Variants in SCN10A observed in about 807,000 individuals in gnomAD.
SCN10A encodes sodium voltage-gated channel alpha subunit 10, also known as sodium channel protein type 10 subunit alpha.
Under a neutral mutation model 170.7 loss-of-function variants are expected in SCN10A, and 162 were observed. The observed-to-expected ratio is 0.95, with a 90% CI of 0.84 to 1.08. The LOEUF is 1.08. SCN10A is among the 50% of genes least tolerant of loss of function. The probability of loss-of-function intolerance (pLI) is 0.00; values close to 1 mark genes in which losing one functional copy is unlikely to be tolerated. For synonymous variants in SCN10A, 985 were observed against 904.6 expected, an observed-to-expected ratio of 1.09 and a Z score of -1.59; for missense variants, 2,527 against 2,436.9, an observed-to-expected ratio of 1.04 and a Z score of -0.78.
rs752189483 is a variant in SCN10A, at chr3:38,713,965, C to T, written c.3797G>A (p.Gly1266Asp). The change falls in exon 22 of 28, where the codon GGC becomes GAC. Residue 1266 changes from glycine (G) to aspartate (D), a missense_variant. Transcript: ENST00000449082. ...TTTTGAGATCAGACTTACCCGCATG[C>T]CTTCAAATCGAGAAAGAGCCCGCAG... ...RPLRALSRFE[G>D]MRVVVDALVG... 6.2e-7 allele frequency: 1 copy of T among 1,613,516 alleles called. No homozygotes were observed. Among genetic ancestry groups the T allele is most frequent in the Admixed American group, 1.7e-5 (1 of 60,030 alleles).
chr3:38,770,423 G>A (rs1575166066), intron 5 of SCN10A, among the ~76,000 whole-genome samples: 1 of 152,284 alleles, frequency 6.6e-6, no homozygotes, highest in African/African-American at 2.4e-5. Context: ...GGTAGGGATT[G>A]CTGTGGCCAC....
chr3:38,703,082 C>T (rs373253430), intron 26 of SCN10A, among the ~76,000 whole-genome samples: 29 of 152,238 alleles, frequency 1.9e-4, no homozygotes, highest in Admixed American at 2.6e-4. Flanking sequence ...TTAGGCCTGG[C>T]GTTCTCCTTG....
At chr3:38,729,902 T>C (rs1013147868) in intron 15 of SCN10A, among the ~76,000 whole-genome samples, 1 of 152,184 alleles carries the variant, frequency 6.6e-6, no homozygotes, top group Non-Finnish European at 1.5e-5. Flanking sequence ...TGTTATACAG[T>C]AAGTGCTGTA....
At chr3:38,803,866 A>T (rs2064389776) in intron 1 of SCN10A, among the ~76,000 whole-genome samples, 1 of 152,140 alleles carries the variant, frequency 6.6e-6, no homozygotes, top group Non-Finnish European at 1.5e-5. Flanking sequence ...GTCTCTCAGA[A>T]AACTCTGATT....
Position 38,698,620 on chromosome 3 carries a change from G to C in SCN10A, c.4658-58C>G, listed in dbSNP as rs75615812. The C allele has an allele frequency of 1.3e-4, 205 of 1,534,804 alleles. 3 individuals carry two copies. In the East Asian group the frequency reaches 4.4e-3, roughly 33 times the overall value. On this transcript the variant is annotated intron_variant, in intron 27 of 27. Coordinates refer to ENST00000449082, the MANE Select transcript of SCN10A (RefSeq NM_006514.4). ...ATCTCCAGCCATGAGACGTGACAAAGTTGGCTGTGATGACACTCTGCTTTG... is the reference window on the plus strand; with the variant it reads ...ATCTCCAGCCATGAGACGTGACAAACTTGGCTGTGATGACACTCTGCTTTG...
intron 5 of SCN10A, among the ~76,000 whole-genome samples, chr3:38,764,908 A>C (rs1026521816): frequency 1.3e-5 from 2 of 152,170 alleles, no homozygotes; most frequent in East Asian, 3.9e-4. Flanking sequence ...TTCTTGCAGG[A>C]GTAAGGTGGT....
Position 38,701,900 on chromosome 3 carries a change from C to T in SCN10A, c.4596G>A (p.Gln1532=). Residue 1532 remains glutamine (Q), a synonymous_variant, in exon 27 of 28, where the codon CAG becomes CAA. Transcript: ENST00000449082. The part of the protein sequence containing the change: ...ECVMKMFALR[Q]YYFTNGWNVF... ...CATTCCAGCCATTTGTGAAGTAGTA[C>T]TGCCTCAAAGCGAACATCTTCATGA... is the stretch of plus-strand genomic sequence containing the variant. 2 of 1,614,126 alleles carry T rather than the reference C, an allele frequency of 1.2e-6. No homozygotes were observed. Among genetic ancestry groups the T allele is most frequent in the Non-Finnish European group, 1.7e-6 (2 of 1,179,994 alleles).
intron 2 of SCN10A, 85 bp downstream of exon 2, chr3:38,793,656 G>T: frequency 7.0e-7 from 1 of 1,427,314 alleles, no homozygotes. Flanking sequence ...CATCACCCAG[G>T]GCCAAGGAGG....
intron 26 of SCN10A, among the ~76,000 whole-genome samples, chr3:38,707,043 C>G (rs2125985975): frequency 6.6e-6 from 1 of 152,282 alleles, no homozygotes; most frequent in East Asian, 1.9e-4. Flanking sequence ...CAGTGCTTCC[C>G]CCAACAGATT....
At chr3:38,775,819 C>T (rs1400108994) in intron 4 of SCN10A, among the ~76,000 whole-genome samples, 1 of 152,066 alleles carries the variant, frequency 6.6e-6, no homozygotes, top group African/African-American at 2.4e-5. Context: ...TTTCTTGTTT[C>T]TTCTCCAACC....
intron 12 of SCN10A, among the ~76,000 whole-genome samples, chr3:38,750,606 T>C (rs2063737467): frequency 6.6e-6 from 1 of 152,248 alleles, no homozygotes; most frequent in African/African-American, 2.4e-5. Flanking sequence ...TGTTATTTCA[T>C]TTAACCCTCC....
chr3:38,700,735 C>T (rs912343805), intron 27 of SCN10A, among the ~76,000 whole-genome samples: 21 of 152,208 alleles, frequency 1.4e-4, no homozygotes, highest in African/African-American at 3.9e-4. Context: ...TGATGAAATG[C>T]TGTTAAGTTG....
In SCN10A at chr3:38,727,189, G is replaced by A. The variant is rs566667607; in HGVS notation, c.2641-137C>T. 141 of 754,890 alleles carry A rather than the reference G, an allele frequency of 1.9e-4. No homozygotes were observed. The Middle Eastern group carries it at 2.5e-3, about 13-fold the overall frequency. The allele number at this position is 754,890 out of a possible 1,614,324, so 46.8% of individuals were successfully genotyped here. A position where few individuals can be genotyped will look rare whatever the true frequency, so the allele number is the denominator to read the frequency against. ...GCCCACCCGGGATGCTGTCCCTTTT[G>A]GGGGAATGGACTTTCTGAGAGCAGT... On this transcript the variant is annotated intron_variant, in intron 16 of 27. Coordinates refer to ENST00000449082, the MANE Select transcript of SCN10A (RefSeq NM_006514.4).
intron 20 of SCN10A, among the ~76,000 whole-genome samples, chr3:38,721,150 A>G (rs1400098630): frequency 1.3e-5 from 2 of 152,210 alleles, no homozygotes. Context: ...AGCTGAGGCC[A>G]TGCACCGAGC....
chr3:38,697,614 C>T lies in SCN10A; in HGVS notation c.5606G>A (p.Arg1869His), dbSNP rs765477377. The T allele has an allele frequency of 5.0e-5, 81 of 1,614,028 alleles. 1 individual carries two copies. In the Middle Eastern group the frequency reaches 6.6e-4, roughly 13 times the overall value. Residue 1869 changes from arginine to histidine, a missense_variant, in exon 28 of 28, where the codon CGC (arginine) becomes CAC (histidine). Arg to His is a conservative substitution (Grantham distance 29). Transcript: ENST00000449082. ...TGGGGTGTTAGAGAGTGCCATGGAG[C>T]GGTGCAGCACATAGCTCCGATAGGC... Reference protein sequence around the residue: ...QKAYRSYVLHRSMALSNTPCV... With the variant: ...QKAYRSYVLHHSMALSNTPCV...
intron 1 of SCN10A, among the ~76,000 whole-genome samples, chr3:38,814,504 G>A (rs2064460055): frequency 6.6e-6 from 1 of 152,108 alleles, no homozygotes; most frequent in Non-Finnish European, 1.5e-5. Flanking sequence ...TAATTAGTGG[G>A]TTTCTCCTCC....
intron 4 of SCN10A, 32 bp downstream of exon 4, chr3:38,788,924 G>C: frequency 7.6e-7 from 1 of 1,320,508 alleles, no homozygotes; most frequent in Non-Finnish European, 1.1e-6. Flanking sequence ...AGCAAAAAGA[G>C]ATGGTACAAT....
intron 18 of SCN10A, among the ~76,000 whole-genome samples, chr3:38,724,855 CATAGATGAATA>C (rs1264231575): frequency 6.6e-6 from 1 of 152,146 alleles, no homozygotes; most frequent in Non-Finnish European, 1.5e-5. Flanking sequence ...CATTCAGTTT[CATAGATGAATA>C]AATGGCGGCT....
At position 38,802,481 on chromosome 3, in the gene SCN10A, C is replaced by T. The variant is rs535232731; in HGVS notation, c.-32-8439G>A. ...TCCTTAGCCTTCTCCCGTTTTAACA[C>T]ATTGTAACTTCATTATTCTAGTAAC... On this transcript the variant is annotated intron_variant, in intron 1 of 27. Transcript: ENST00000449082. 4.1e-4 allele frequency among the ~76,000 whole-genome samples: 63 copies of T among 152,244 alleles called. 3 individuals are homozygous for T. The South Asian group carries it at 0.012, about 30-fold the overall frequency.
Sources: gnomAD v4.1 joint callset for allele counts (sites outside exome capture counted in the v4.1 genomes callset) on GRCh38, gnomAD v4.1.1 for gene constraint, MANE v1.5 for transcripts, NCBI Gene and HGNC (gene_info 2026-07-23, HGNC 2026-07-21) for gene names.